Variants in EGFR observed in about 807,000 individuals in gnomAD.
The protein encoded by EGFR is epidermal growth factor receptor.
EGFR carries 58 observed loss-of-function variants against 143.0 expected under a neutral mutation model. The observed-to-expected ratio is 0.41, with a 90% CI of 0.33 to 0.50. The LOEUF (loss-of-function observed/expected upper bound fraction) is 0.50. Among genes scored for constraint, EGFR ranks in the 20% least tolerant of loss-of-function variants. EGFR has a pLI of 0.39. For missense variants in EGFR, 1,307 were observed against 1,579.0 expected (o/e 0.83, Z 2.92); for synonymous variants, 613 against 594.4 (o/e 1.03, Z -0.45).
chr7:55,200,280 T>C, intron 23 of EGFR, 36 bp from the exon 24 acceptor site: 1 of 1,578,388 alleles, frequency 6.3e-7, no homozygotes, highest in Non-Finnish European at 8.7e-7. Context: ...TCTTCCAGTG[T>C]TCTAATTGCA....
At chr7:55,202,917 T>A in intron 27 of EGFR, 1 of 636,830 alleles carries the variant, frequency 1.6e-6, no homozygotes, top group Non-Finnish European at 2.8e-6. Context: ...TGTGTGAGTG[T>A]TCATGATGTG....
intron 27 of EGFR, among the ~76,000 whole-genome samples, chr7:55,203,437 C>CACGT (rs1435332616): frequency 1.3e-5 from 2 of 149,216 alleles, no homozygotes; most frequent in South Asian, 2.2e-4. Context: ...CAGACACGTA[C>CACGT]ACACACTACA....
At chr7:55,044,166 A>T (rs1788060072) in intron 1 of EGFR, 2 of 152,176 alleles carry the variant, frequency 1.3e-5, no homozygotes, top group Non-Finnish European at 2.9e-5. Context: ...CAAGGATGCC[A>T]TTAGGTAAAG....
At chr7:55,140,577 T>C (rs554463085) in intron 1 of EGFR, among the ~76,000 whole-genome samples, 3 of 152,358 alleles carry the variant, frequency 2.0e-5, no homozygotes, top group Admixed American at 6.5e-5. Flanking sequence ...TTTAGCCCTA[T>C]CTGCATGTGT....
chr7:55,058,535 G>A (rs1008486084), intron 1 of EGFR, among the ~76,000 whole-genome samples: 15 of 152,108 alleles, frequency 9.9e-5, no homozygotes, highest in Non-Finnish European at 1.5e-4. Context: ...CCATAAAAAA[G>A]AACAAGATCA....
intron 1 of EGFR, among the ~76,000 whole-genome samples, chr7:55,042,581 C>T (rs1787956526): frequency 6.6e-6 from 1 of 152,140 alleles, no homozygotes; most frequent in Admixed American, 6.5e-5. Flanking sequence ...GAAAAAGTCT[C>T]CTCTGCAAAG....
chr7:55,185,801 T>C (rs1787109196), intron 20 of EGFR, among the ~76,000 whole-genome samples: 1 of 152,206 alleles, frequency 6.6e-6, no homozygotes, highest in African/African-American at 2.4e-5. Context: ...TGACCACAAC[T>C]GTATAAGCAC....
In EGFR at chr7:55,143,467, C is replaced by A. The variant is rs2128927539; in HGVS notation, c.403C>A (p.Leu135Met). 1.2e-6 allele frequency: 2 copies of A among 1,614,202 alleles called. No homozygotes were observed. Among genetic ancestry groups the A allele is most frequent in the East Asian group, 2.2e-5 (1 of 44,888 alleles). The stretch of plus-strand genomic sequence containing the variant: ...TGCAAATAAAACCGGACTGAAGGAG[C>A]TGCCCATGAGAAATTTACAGGGTGA... ...YDANKTGLKELPMRNLQEILH... is the reference protein window; with the variant it reads ...YDANKTGLKEMPMRNLQEILH... The change falls in exon 3 of 28, where the codon CTG (leucine) becomes ATG (methionine). Residue 135 changes from leucine to methionine, a missense_variant. Leu to Met is a conservative substitution (Grantham distance 15, BLOSUM62 2). Transcript: ENST00000275493.
intron 10 of EGFR, among the ~76,000 whole-genome samples, chr7:55,157,427 G>C (rs1290746908): frequency 6.6e-6 from 1 of 152,226 alleles, no homozygotes; most frequent in Non-Finnish European, 1.5e-5. Flanking sequence ...CCAGGGGGGC[G>C]GCGGGAGACA....
intron 20 of EGFR, chr7:55,182,050 C>T: frequency 5.8e-6 from 1 of 172,090 alleles, no homozygotes; most frequent in Non-Finnish European, 1.3e-5. Context: ...GTCAGGTAGC[C>T]CTGCCTGGGT....
At chr7:55,088,789 G>A (rs1382918912) in intron 1 of EGFR, among the ~76,000 whole-genome samples, 1 of 152,174 alleles carries the variant, frequency 6.6e-6, no homozygotes, top group East Asian at 1.9e-4. Flanking sequence ...ACTCAGTCCT[G>A]TCCCTTTGAC....
intron 1 of EGFR, among the ~76,000 whole-genome samples, chr7:55,094,810 T>C (rs1791345298): frequency 6.6e-6 from 1 of 152,242 alleles, no homozygotes; most frequent in Non-Finnish European, 1.5e-5. Context: ...GTACAGACTC[T>C]AGACAGATCC....
rs767711610 is a variant in EGFR at position 55,160,348 on chromosome 7, C to T, written c.1498+10C>T. The T allele has an allele frequency of 4.3e-6, 7 of 1,611,748 alleles. No homozygotes were observed. The highest frequency in any genetic ancestry group is 2.2e-5 in the East Asian group (1 of 44,890). ...GGTGAAAACAGCTGCAGTAAGTCACCGCTTTCTGTTTAGTTTATGGAGTTG... is the reference window on the plus strand; with the variant it reads ...GGTGAAAACAGCTGCAGTAAGTCACTGCTTTCTGTTTAGTTTATGGAGTTG... On this transcript the variant is annotated intron_variant, in intron 12 of 27. Transcript: ENST00000275493.
At chr7:55,133,154 C>T (rs1383793349) in intron 1 of EGFR, among the ~76,000 whole-genome samples, 1 of 152,234 alleles carries the variant, frequency 6.6e-6, no homozygotes, top group Non-Finnish European at 1.5e-5. Flanking sequence ...GCGAGGTGAA[C>T]TCCCGGCAGC....
chr7:55,107,407 T>A (rs1248937384), intron 1 of EGFR, among the ~76,000 whole-genome samples: 1 of 152,258 alleles, frequency 6.6e-6, no homozygotes, highest in Non-Finnish European at 1.5e-5. Flanking sequence ...TTTCCATTTT[T>A]CTTTTTTTGT....
intron 1 of EGFR, among the ~76,000 whole-genome samples, chr7:55,131,452 T>G (rs1562742346): frequency 6.6e-6 from 1 of 152,174 alleles, no homozygotes; most frequent in East Asian, 1.9e-4. Context: ...TTATTTTTCT[T>G]CCTTTTACTG....
intron 1 of EGFR, among the ~76,000 whole-genome samples, chr7:55,112,586 T>G (rs1161798145): frequency 6.6e-6 from 1 of 152,186 alleles, no homozygotes; most frequent in Non-Finnish European, 1.5e-5. Flanking sequence ...CAGAAGGCCC[T>G]GTGGAGTGGC....
chr7:55,122,739 T>A (rs1793284666), intron 1 of EGFR, among the ~76,000 whole-genome samples: 1 of 152,226 alleles, frequency 6.6e-6, no homozygotes, highest in South Asian at 2.1e-4. Flanking sequence ...CCTTAGTTGT[T>A]CAGTCTGATG....
In EGFR at chr7:55,165,330, C is replaced by G. The variant is rs767304301; in HGVS notation, c.1773C>G (p.Cys591Trp). The G allele has an allele frequency of 6.2e-7, 1 of 1,614,160 alleles. No homozygotes were observed. The highest frequency in any genetic ancestry group is 8.5e-7 in the Non-Finnish European group (1 of 1,180,036). ...QCAHYIDGPH[C>W]VKTCPAGVMG... ...CCCACTACATTGACGGCCCCCACTGCGTCAAGACCTGCCCGGCAGGAGTCA... is the reference window on the plus strand; with the variant it reads ...CCCACTACATTGACGGCCCCCACTGGGTCAAGACCTGCCCGGCAGGAGTCA... The change falls in exon 15 of 28, where the codon TGC becomes TGG. Residue 591 changes from cysteine (C) to tryptophan (W), a missense_variant. Cys to Trp is a radical substitution (Grantham distance 215). Transcript: ENST00000275493.
Sources: gnomAD v4.1 joint callset for allele counts (sites outside exome capture counted in the v4.1 genomes callset) on GRCh38, gnomAD v4.1.1 for gene constraint, MANE v1.5 for transcripts, NCBI Gene and HGNC (gene_info 2026-07-23, HGNC 2026-07-21) for gene names.